FAT1: variants seen among roughly 807,000 people sequenced by gnomAD.
FAT1 encodes protocadherin Fat 1.
Under a neutral mutation model 329.8 loss-of-function variants are expected in FAT1, and 171 were observed. That is an observed-to-expected ratio of 0.52 (90% CI 0.46 to 0.59). The LOEUF (loss-of-function observed/expected upper bound fraction) is 0.59. Ranked by LOEUF, FAT1 falls within the 20% of genes least tolerant of loss-of-function variation. FAT1 has a pLI of 0.00. For missense variants in FAT1, 5,672 were observed against 5,774.4 expected, an observed-to-expected ratio of 0.98 and a Z score of 0.57; for synonymous variants, 2,233 against 2,228.6, an observed-to-expected ratio of 1.00 and a Z score of -0.06.
intron 16 of FAT1, among the ~76,000 whole-genome samples, chr4:186,606,529 C>T (rs1351922618): frequency 6.6e-6 from 1 of 152,024 alleles, no homozygotes; most frequent in East Asian, 1.9e-4. Context: ...ATGATTAGGA[C>T]AAGAAGTTAA....
At chr4:186,647,055 A>G (rs1413063584) in intron 3 of FAT1, among the ~76,000 whole-genome samples, 1 of 152,204 alleles carries the variant, frequency 6.6e-6, no homozygotes, top group African/African-American at 2.4e-5. Context: ...CCACTTGTTC[A>G]CTGTGCACTG....
chr4:186,666,918 C>T (rs559515422), intron 2 of FAT1, among the ~76,000 whole-genome samples: 8 of 152,182 alleles, frequency 5.3e-5, no homozygotes, highest in East Asian at 1.9e-4. Context: ...TCATCTTCAG[C>T]GCCAGCAATA....
intron 3 of FAT1, among the ~76,000 whole-genome samples, chr4:186,650,202 T>C (rs1268584450): frequency 6.6e-6 from 1 of 152,194 alleles, no homozygotes; most frequent in Non-Finnish European, 1.5e-5. Flanking sequence ...GAATGGGACT[T>C]CCTTAACATC....
At chr4:186,698,617 G>GACAGAAA (rs1222472865) in intron 2 of FAT1, among the ~76,000 whole-genome samples, 1 of 152,250 alleles carries the variant, frequency 6.6e-6, no homozygotes, top group Non-Finnish European at 1.5e-5. Context: ...AAGGCAGGGA[G>GACAGAAA]ACAGAAAACG....
intron 2 of FAT1, among the ~76,000 whole-genome samples, chr4:186,686,025 A>ATC (rs1160176504): frequency 1.3e-5 from 2 of 152,310 alleles, no homozygotes; most frequent in East Asian, 3.9e-4. Flanking sequence ...GAACTCAAAT[A>ATC]TCTATGGGCA....
At chr4:186,688,516 A>G (rs1390235748) in intron 2 of FAT1, among the ~76,000 whole-genome samples, 8 of 152,076 alleles carry the variant, frequency 5.3e-5, no homozygotes, top group African/African-American at 7.2e-5. Flanking sequence ...GCTGTGACCT[A>G]ATCAATAGGG....
chr4:186,700,015 C>T (rs1744225090), intron 2 of FAT1, among the ~76,000 whole-genome samples: 1 of 152,154 alleles, frequency 6.6e-6, no homozygotes, highest in Admixed American at 6.5e-5. Flanking sequence ...GGACAAAAAA[C>T]AGTTCCCTGG....
chr4:186,654,150 T>C (rs1318122648), intron 3 of FAT1, among the ~76,000 whole-genome samples: 2 of 152,174 alleles, frequency 1.3e-5, no homozygotes, highest in Admixed American at 6.5e-5. Context: ...TGACCTCTGG[T>C]AGCTCTGACC....
intron 24 of FAT1, 90 bp downstream of exon 24, chr4:186,597,592 T>C: frequency 1.2e-6 from 1 of 824,742 alleles, no homozygotes; most frequent in Non-Finnish European, 2.1e-6. Flanking sequence ...TGACATAATG[T>C]AGTTCAAATC....
rs367776554 is a variant in FAT1, at chr4:186,619,843, G to A, written c.6743C>T (p.Pro2248Leu). Residue 2248 changes from proline (P) to leucine (L), a missense_variant, in exon 10 of 27, where the codon CCG becomes CTG. Around this residue, in one of 2 missense-constraint regions of FAT1, gnomAD observed 3,966 missense variants for 3,915.2 expected, o/e 1.01. Coordinates refer to ENST00000441802, the MANE Select transcript of FAT1 (RefSeq NM_005245.4). ...TGCGCGTATGCTCAGCTTATATGCC[G>A]GGTGGGCCTCAAAGTCCAGAGGAGC... ...VIAPLDFEAH[P>L]AYKLSIRATD... is the part of the protein sequence containing the mutation. 2.7e-5 allele frequency: 44 copies of A among 1,613,832 alleles called. No homozygotes were observed. Among genetic ancestry groups the A allele is most frequent in the Non-Finnish European group, 3.3e-5 (39 of 1,179,882 alleles).
In FAT1 at chr4:186,707,570, A is replaced by T; in HGVS notation, c.2258T>A (p.Val753Asp). 1 of 1,613,994 alleles carries T rather than the reference A, an allele frequency of 6.2e-7. No individual in the cohort carries two copies. The highest frequency in any genetic ancestry group is 8.5e-7 in the Non-Finnish European group (1 of 1,179,890). The change falls in exon 2 of 27, where the codon GTC (valine) becomes GAC (aspartate). Residue 753 changes from valine (V) to aspartate (D), a missense_variant. Physicochemically the swap from Val to Asp is radical, Grantham distance 152. This residue lies in a region of FAT1 where 3,966 missense variants were observed against 3,915.2 expected (regional missense o/e 1.01). Coordinates refer to ENST00000441802, the MANE Select transcript of FAT1 (RefSeq NM_005245.4). ...DLDTGFNGKLVYAVSGGNEDS... is the reference protein window; with the variant it reads ...DLDTGFNGKLDYAVSGGNEDS... ...CTCATTTCCTCCAGAAACAGCATAG[A>T]CCAGTTTTCCATTGAAGCCAGTGTC...
chr4:186,686,914 A>G (rs1015328419), intron 2 of FAT1, among the ~76,000 whole-genome samples: 1 of 152,216 alleles, frequency 6.6e-6, no homozygotes, highest in African/African-American at 2.4e-5. Flanking sequence ...TTTAAATTTA[A>G]TTTGACAAGC....
At chr4:186,627,030 GAAT>G in intron 9 of FAT1, among the ~76,000 whole-genome samples, 1 of 123,648 alleles carries the variant, frequency 8.1e-6, no homozygotes, top group Non-Finnish European at 1.6e-5. Context: ...ATGAATGAAT[GAAT>G]GAGGGACCAA....
chr4:186,617,774 C>A lies in FAT1; in HGVS notation c.8812G>T (p.Ala2938Ser), dbSNP rs2126487769. The change falls in exon 10 of 27, where the codon GCC becomes TCC. Residue 2938 changes from alanine to serine, a missense_variant. By Grantham distance (99) the Ala-to-Ser change is moderately conservative. This residue lies in a region of FAT1 where 3,966 missense variants were observed against 3,915.2 expected (regional missense o/e 1.01). Transcript: ENST00000441802. Reference protein sequence around the residue: ...SEDDPQGGVIAILSTTDADSE... With the variant: ...SEDDPQGGVISILSTTDADSE... ...TCAGCATCCGTGGTACTTAAGATGG[C>A]AATCACCCCACCTTGGGGGTCATCC... is the stretch of plus-strand genomic sequence containing the variant. 6.2e-7 allele frequency: 1 copy of A among 1,613,224 alleles called. No individual in the cohort carries two copies.
At chr4:186,649,396 G>T (rs1463310489) in intron 3 of FAT1, among the ~76,000 whole-genome samples, 1 of 152,180 alleles carries the variant, frequency 6.6e-6, no homozygotes, top group African/African-American at 2.4e-5. Flanking sequence ...CTGCCCAAAA[G>T]ATACATACAA....
chr4:186,690,681 C>G, intron 2 of FAT1, among the ~76,000 whole-genome samples: 1 of 151,522 alleles, frequency 6.6e-6, no homozygotes. Flanking sequence ...CAGAGTGAGA[C>G]TCTGCCTCAA....
rs1434627215 is a variant in FAT1 at position 186,621,698 on chromosome 4, G to A, written c.4888C>T (p.Gln1630Ter). 6.2e-7 allele frequency: 1 copy of A among 1,613,494 alleles called. No individual in the cohort carries two copies. Among genetic ancestry groups the A allele is most frequent in the Non-Finnish European group, 8.5e-7 (1 of 1,179,790 alleles). Residue 1630 changes from glutamine (Q) to a stop codon, truncating the protein, a stop_gained, in exon 10 of 27, where the codon CAA (glutamine) becomes TAA (stop). Coordinates refer to ENST00000441802, the MANE Select transcript of FAT1 (RefSeq NM_005245.4). LOFTEE classifies it high-confidence loss of function. ...TTTACCATTAAATCATACTCCGCTTGGTTACTTCGATCTAATTCTTTGGCA... is the reference window on the plus strand; with the variant it reads ...TTTACCATTAAATCATACTCCGCTTAGTTACTTCGATCTAATTCTTTGGCA... ...KTAKELDRSNQAEYDLMVKAT... is the reference protein window; with the variant it reads ...KTAKELDRSN
Position 186,619,404 on chromosome 4 carries a change from A to C in FAT1, c.7182T>G (p.Ile2394Met). The C allele has an allele frequency of 6.2e-7, 1 of 1,613,998 alleles. No homozygotes were observed. Among genetic ancestry groups the C allele is most frequent in the Non-Finnish European group, 8.5e-7 (1 of 1,179,900 alleles). Residue 2394 changes from isoleucine to methionine, a missense_variant, in exon 10 of 27, where the codon ATT (isoleucine) becomes ATG (methionine). By Grantham distance (10) the Ile-to-Met change is conservative. This residue lies in a region of FAT1 where 3,966 missense variants were observed against 3,915.2 expected (regional missense o/e 1.01). Transcript: ENST00000441802. ...NDNPPLFEQQIYEARISEHAP... is the reference protein window; with the variant it reads ...NDNPPLFEQQMYEARISEHAP... Reference sequence around the variant, plus strand: ...CGTGCTCGCTAATTCTGGCTTCATAAATCTGTTGTTCAAAGAGTGGTGGAT... The same window carrying C: ...CGTGCTCGCTAATTCTGGCTTCATACATCTGTTGTTCAAAGAGTGGTGGAT...
chr4:186,647,494 A>G (rs1045002791), intron 3 of FAT1, among the ~76,000 whole-genome samples: 2 of 152,192 alleles, frequency 1.3e-5, no homozygotes, highest in African/African-American at 4.8e-5. Context: ...ATCATATTTA[A>G]TATGTATAAT....
Sources: allele counts gnomAD v4.1 joint callset (sites outside exome capture counted in the v4.1 genomes callset), GRCh38; gene constraint gnomAD v4.1.1; regional missense constraint gnomAD v4.1.1; transcripts MANE v1.5; gene names NCBI Gene and HGNC (gene_info 2026-07-23, HGNC 2026-07-21).